The following AKAP19 variants were observed in gnomAD, a reference collection of about 807,000 sequenced individuals.
AKAP19 encodes A-kinase anchoring protein 19.
At chr2:190,058,831 G>A in the AKAP19 span, among the ~76,000 whole-genome samples, 7 of 151,784 alleles carry the variant, frequency 4.6e-5, no homozygotes, top group Non-Finnish European at 8.8e-5. Flanking sequence ...AAGGTACTTC[G>A]GAGACTCAGA....
chr2:190,141,574 GATCTC>G, the AKAP19 span, among the ~76,000 whole-genome samples: 1 of 152,104 alleles, frequency 6.6e-6, no homozygotes, highest in Admixed American at 6.5e-5. Flanking sequence ...AAAACCATCA[GATCTC>G]ATGAGAACTC....
At chr2:189,879,585 T>G in the AKAP19 span, 1 of 152,206 alleles carries the variant, frequency 6.6e-6, no homozygotes, top group Non-Finnish European at 1.5e-5. Context: ...GCTCCCATCC[T>G]CCACAAGTCC....
the AKAP19 span, among the ~76,000 whole-genome samples, chr2:189,964,005 T>C: frequency 6.6e-6 from 1 of 152,104 alleles, no homozygotes; most frequent in African/African-American, 2.4e-5. Context: ...TCCACCACCT[T>C]GGCCTCTCAA....
chr2:189,906,995 A>G, the AKAP19 span, among the ~76,000 whole-genome samples: 2 of 152,214 alleles, frequency 1.3e-5, no homozygotes, highest in Non-Finnish European at 2.9e-5. Context: ...GGAATTACAT[A>G]AAAGTCTTAA....
the AKAP19 span, among the ~76,000 whole-genome samples, chr2:189,985,820 T>C: frequency 3.3e-5 from 5 of 152,292 alleles, 1 homozygote; most frequent in Admixed American, 2.0e-4. Context: ...CTTGTGGTAA[T>C]TTGTTATACA....
the AKAP19 span, among the ~76,000 whole-genome samples, chr2:190,138,379 AG>A: frequency 6.6e-6 from 1 of 152,206 alleles, no homozygotes; most frequent in African/African-American, 2.4e-5. Context: ...CAAAAATTGA[AG>A]GAGTATACAG....
chr2:190,064,852 A>C, the AKAP19 span, among the ~76,000 whole-genome samples: 2,193 of 152,280 alleles, frequency 0.014, 62 homozygotes, highest in African/African-American at 0.05. Flanking sequence ...TCACCTGGAA[A>C]AAAGTGAACA....
At chr2:190,162,319 C>T in the AKAP19 span, among the ~76,000 whole-genome samples, 1 of 152,068 alleles carries the variant, frequency 6.6e-6, no homozygotes, top group Non-Finnish European at 1.5e-5. Context: ...GCAGAATATT[C>T]TTCTCCCCAG....
the AKAP19 span, among the ~76,000 whole-genome samples, chr2:189,981,783 A>G: frequency 2.0e-5 from 3 of 152,232 alleles, no homozygotes; most frequent in Non-Finnish European, 2.9e-5. Context: ...AGGATATGAA[A>G]TTTTGGGCTG....
At chr2:190,020,120 C>T in the AKAP19 span, among the ~76,000 whole-genome samples, 1 of 152,154 alleles carries the variant, frequency 6.6e-6, no homozygotes, top group African/African-American at 2.4e-5. Flanking sequence ...ACTGTTAGCA[C>T]CAAGTCAGCT....
the AKAP19 span, among the ~76,000 whole-genome samples, chr2:189,961,797 A>G: frequency 6.6e-6 from 1 of 151,994 alleles, no homozygotes; most frequent in Admixed American, 6.6e-5. Context: ...CTGTAGCCCC[A>G]GCTACTCGGG....
chr2:190,111,583 C>G, the AKAP19 span, among the ~76,000 whole-genome samples: 1 of 152,084 alleles, frequency 6.6e-6, no homozygotes, highest in African/African-American at 2.4e-5. Context: ...TTAAGTCTTC[C>G]AGGACCAGCC....
chr2:189,998,037 G>A, the AKAP19 span, among the ~76,000 whole-genome samples: 1 of 152,094 alleles, frequency 6.6e-6, no homozygotes, highest in Non-Finnish European at 1.5e-5. Flanking sequence ...TCAGCTCTAG[G>A]AAAGCTTAAG....
the AKAP19 span, among the ~76,000 whole-genome samples, chr2:189,916,049 A>G: frequency 1.3e-5 from 2 of 152,134 alleles, no homozygotes; most frequent in African/African-American, 2.4e-5. Flanking sequence ...CCAGGCAGAT[A>G]TAATTATTTG....
At chr2:190,175,315 T>C in the AKAP19 span, among the ~76,000 whole-genome samples, 2 of 152,110 alleles carry the variant, frequency 1.3e-5, no homozygotes, top group East Asian at 1.9e-4. Flanking sequence ...AAGACCAAAC[T>C]CAACACAAAA....
At chr2:189,933,380 AT>A in the AKAP19 span, among the ~76,000 whole-genome samples, 1 of 147,742 alleles carries the variant, frequency 6.8e-6, no homozygotes, top group East Asian at 2.0e-4. Flanking sequence ...TATTTGTTGA[AT>A]AAATGAATAA....
chr2:190,066,219 G>A, the AKAP19 span, among the ~76,000 whole-genome samples: 3,713 of 152,186 alleles, frequency 0.024, 162 homozygotes, highest in East Asian at 0.18. Context: ...TTCTGTAACC[G>A]TCAGTAAGGT....
chr2:190,127,237 C>G, the AKAP19 span, among the ~76,000 whole-genome samples: 1 of 150,196 alleles, frequency 6.7e-6, no homozygotes, highest in African/African-American at 2.5e-5. Context: ...GTTCTCAAGC[C>G]AAACTTGGCA....
At chr2:189,973,325 G>A in the AKAP19 span, among the ~76,000 whole-genome samples, 2 of 152,096 alleles carry the variant, frequency 1.3e-5, no homozygotes, top group Non-Finnish European at 2.9e-5. Flanking sequence ...TCCATCCCAG[G>A]GATGAAGGCC....
Sources: gnomAD v4.1 joint callset for allele counts (sites outside exome capture counted in the v4.1 genomes callset) on GRCh38, gnomAD v4.1.1 for gene constraint, MANE v1.5 for transcripts, NCBI Gene and HGNC (gene_info 2026-07-23, HGNC 2026-07-21) for gene names.